MOB1B: variants seen among roughly 807,000 people sequenced by gnomAD.
The protein encoded by MOB1B is MOB1 Mps One Binder homolog B.
A neutral mutation model predicts 24.4 loss-of-function variants in MOB1B; 19 were observed. The ratio of observed to expected loss-of-function variants is 0.78; its 90% CI spans 0.54 to 1.14. MOB1B has a LOEUF of 1.14. MOB1B is among the 50% of genes most tolerant of loss of function. The probability of loss-of-function intolerance (pLI) is 0.00; values close to 1 mark genes in which losing one functional copy is unlikely to be tolerated. For synonymous variants in MOB1B, 76 were observed against 82.1 expected (o/e 0.93, Z 0.40); for missense variants, 243 against 259.6 (o/e 0.94, Z 0.44).
intron 3 of MOB1B, among the ~76,000 whole-genome samples, chr4:70,972,983 C>G (rs1039343650): frequency 3.9e-5 from 6 of 151,970 alleles, no homozygotes; most frequent in Non-Finnish European, 7.4e-5. Context: ...CTGTGTTAGC[C>G]AGGATTGTCT....
intron 1 of MOB1B, 149 bp from the exon 2 acceptor site, chr4:70,958,725 T>C (rs1560655928): frequency 1.2e-6 from 1 of 861,772 alleles, no homozygotes; most frequent in East Asian, 2.5e-5. Flanking sequence ...AGAAAGTTTG[T>C]AGGAGTTTTG....
Position 70,936,042 on chromosome 4 carries a change from G to A in MOB1B, c.15-22832G>A, listed in dbSNP as rs368550493. The stretch of plus-strand genomic sequence containing the variant: ...AATTTTTTGTATTTTTAGTAGAGAC[G>A]GGGTTTCACCGTTTTAGCTGGGATG... On this transcript the variant is annotated intron_variant, in intron 1 of 5. Transcript: ENST00000309395. 2.0e-3 allele frequency among the ~76,000 whole-genome samples: 310 copies of A among 151,846 alleles called. 2 individuals are homozygous for A. Among genetic ancestry groups the A allele is most frequent in the African/African-American group, 7.2e-3 (298 of 41,418 alleles).
At chr4:70,954,458 T>C (rs1737949856) in intron 1 of MOB1B, among the ~76,000 whole-genome samples, 1 of 152,108 alleles carries the variant, frequency 6.6e-6, no homozygotes, top group Non-Finnish European at 1.5e-5. Flanking sequence ...TTTTCTTTTC[T>C]TTTTCTTTTT....
At chr4:70,935,637 T>G (rs2148881614) in intron 1 of MOB1B, among the ~76,000 whole-genome samples, 1 of 152,190 alleles carries the variant, frequency 6.6e-6, no homozygotes, top group African/African-American at 2.4e-5. Flanking sequence ...ACTTTAGTCT[T>G]TGCTAAGTTA....
intron 1 of MOB1B, among the ~76,000 whole-genome samples, chr4:70,951,389 TAA>T (rs1324062511): frequency 6.6e-6 from 1 of 152,208 alleles, no homozygotes; most frequent in African/African-American, 2.4e-5. Context: ...ATTGGAAGAC[TAA>T]GAGATATGTA....
intron 1 of MOB1B, among the ~76,000 whole-genome samples, chr4:70,938,841 A>G (rs575529512): frequency 6.7e-6 from 1 of 148,332 alleles, no homozygotes; most frequent in South Asian, 2.1e-4. Context: ...GCAATGGCAT[A>G]GTCTTGGCTC....
intron 3 of MOB1B, among the ~76,000 whole-genome samples, chr4:70,972,837 G>C (rs7693438): frequency 0.054 from 8,202 of 152,154 alleles, 549 homozygotes; most frequent in African/African-American, 0.16. Context: ...GCAGTGGCGC[G>C]ATCTCGGCTC....
chr4:70,960,785 G>A (rs1005221319), intron 2 of MOB1B, among the ~76,000 whole-genome samples: 1 of 152,152 alleles, frequency 6.6e-6, no homozygotes, highest in Non-Finnish European at 1.5e-5. Flanking sequence ...TCCAATATAT[G>A]TGTACGTTCT....
At chr4:70,929,392 T>G (rs574067541) in intron 1 of MOB1B, among the ~76,000 whole-genome samples, 1 of 152,230 alleles carries the variant, frequency 6.6e-6, no homozygotes, top group South Asian at 2.1e-4. Context: ...TTGGCCAGGC[T>G]GATCTCCAAC....
chr4:70,907,220 G>A (rs1450881580), intron 1 of MOB1B, among the ~76,000 whole-genome samples: 1 of 152,164 alleles, frequency 6.6e-6, no homozygotes, highest in Non-Finnish European at 1.5e-5. Flanking sequence ...ACTTGAGGTT[G>A]GTGGCCCAAT....
At chr4:70,979,356 A>G (rs1305324803) in intron 5 of MOB1B, 65 bp downstream of exon 5, 1 of 1,274,156 alleles carries the variant, frequency 7.8e-7, no homozygotes, top group East Asian at 2.3e-5. Context: ...TCTAAGGTAA[A>G]TACTGTATTC....
intron 1 of MOB1B, among the ~76,000 whole-genome samples, chr4:70,924,845 A>G (rs573845115): frequency 6.6e-6 from 1 of 152,296 alleles, no homozygotes; most frequent in East Asian, 1.9e-4. Context: ...GCTGCATAGT[A>G]TTCCATGGTG....
At chr4:70,975,336 G>A (rs374497694) in intron 4 of MOB1B, 50 bp downstream of exon 4, 3 of 1,593,258 alleles carry the variant, frequency 1.9e-6, no homozygotes, top group African/African-American at 2.7e-5. Flanking sequence ...TCTTTTATAT[G>A]TTTATAGAAT....
At chr4:70,960,823 A>C (rs971627644) in intron 2 of MOB1B, among the ~76,000 whole-genome samples, 3 of 152,308 alleles carry the variant, frequency 2.0e-5, no homozygotes, top group African/African-American at 7.2e-5. Flanking sequence ...CCTTTTTGTA[A>C]AATTTGAGAG....
At chr4:70,965,166 AG>A (rs1398950255) in intron 2 of MOB1B, among the ~76,000 whole-genome samples, 1 of 151,536 alleles carries the variant, frequency 6.6e-6, no homozygotes, top group East Asian at 1.9e-4. Flanking sequence ...GTGTGGTGGC[AG>A]GTGCTTGTAA....
At chr4:70,955,462 T>G (rs1414593721) in intron 1 of MOB1B, among the ~76,000 whole-genome samples, 2 of 142,618 alleles carry the variant, frequency 1.4e-5, no homozygotes, top group Non-Finnish European at 3.0e-5. Flanking sequence ...GAAGTATGTG[T>G]CCTTTTTTTT....
intron 1 of MOB1B, among the ~76,000 whole-genome samples, chr4:70,953,388 A>ACG (rs1414385991): frequency 1.3e-5 from 2 of 152,206 alleles, no homozygotes; most frequent in Non-Finnish European, 2.9e-5. Context: ...TAAAAGTATT[A>ACG]CGTGGTTAGA....
intron 1 of MOB1B, among the ~76,000 whole-genome samples, chr4:70,937,039 C>T (rs1737111834): frequency 6.6e-6 from 1 of 152,000 alleles, no homozygotes; most frequent in African/African-American, 2.4e-5. Flanking sequence ...GCCTCAGCCT[C>T]CCGAGTAGCT....
intron 4 of MOB1B, chr4:70,976,241 A>C (rs1045561267): frequency 1.0e-6 from 1 of 984,622 alleles, no homozygotes; most frequent in African/African-American, 1.7e-5. Flanking sequence ...GGCCCAAAAA[A>C]CAGAATGGAT....
Sources: allele counts gnomAD v4.1 joint callset (sites outside exome capture counted in the v4.1 genomes callset), GRCh38; gene constraint gnomAD v4.1.1; transcripts MANE v1.5; gene names NCBI Gene and HGNC (gene_info 2026-07-23, HGNC 2026-07-21).